VPS54: variants seen among roughly 807,000 people sequenced by gnomAD.
VPS54 encodes the protein vacuolar protein sorting-associated protein 54.
VPS54 carries 45 observed loss-of-function variants against 121.5 expected under a neutral mutation model. That is an observed-to-expected ratio of 0.37 (90% CI 0.29 to 0.47). The LOEUF is 0.47. Among genes scored for constraint, VPS54 ranks in the 20% least tolerant of loss-of-function variants. The pLI is 0.99. For synonymous variants in VPS54, 371 were observed against 385.8 expected (o/e 0.96, Z 0.45); for missense variants, 1,090 against 1,131.4 (o/e 0.96, Z 0.52).
chr2:63,910,489 A>G (rs1258988037), intron 20 of VPS54, among the ~76,000 whole-genome samples: 2 of 152,234 alleles, frequency 1.3e-5, no homozygotes, highest in Non-Finnish European at 2.9e-5. Flanking sequence ...GGGACAATTA[A>G]TAAGTTTCAA....
chr2:63,983,906 G>C lies in VPS54; in HGVS notation c.94C>G (p.Pro32Ala), dbSNP rs759981046. The C allele has an allele frequency of 2.5e-6, 4 of 1,613,492 alleles. No homozygotes were observed. In the South Asian group the frequency reaches 4.4e-5, roughly 18 times the overall value. Residue 32 changes from proline (P) to alanine (A), a missense_variant, in exon 2 of 23, where the codon CCT (proline) becomes GCT (alanine). Physicochemically the swap from Pro to Ala is conservative, Grantham distance 27. This residue lies in a region of VPS54 where 801 missense variants were observed against 757.0 expected (regional missense o/e 1.06). Transcript: ENST00000272322. Reference sequence around the variant, plus strand: ...CACACATCTGGCAGTGATGGCACAGGTCGAATGTGTTTTGACGGATCTACC... The same window carrying C: ...CACACATCTGGCAGTGATGGCACAGCTCGAATGTGTTTTGACGGATCTACC... ...IEVDPSKHIR[P>A]VPSLPDVCPK...
chr2:63,992,760 C>T (rs933834364), intron 1 of VPS54, among the ~76,000 whole-genome samples: 9 of 152,390 alleles, frequency 5.9e-5, no homozygotes, highest in African/African-American at 2.2e-4. Flanking sequence ...AGCCTTCCAA[C>T]TCGGCATGCC....
chr2:63,950,782 C>CT (rs560012100), intron 7 of VPS54, among the ~76,000 whole-genome samples: 94 of 151,452 alleles, frequency 6.2e-4, no homozygotes, highest in African/African-American at 2.1e-3. Flanking sequence ...TTCTTTGTGG[C>CT]TTTTTTTTTC....
chr2:63,955,895 AAAGT>A, intron 7 of VPS54, among the ~76,000 whole-genome samples: 1 of 152,264 alleles, frequency 6.6e-6, no homozygotes, highest in Admixed American at 6.5e-5. Flanking sequence ...CCTTGTTTTA[AAAGT>A]ATGTATCCTA....
At chr2:64,011,061 G>A (rs559482695) in intron 1 of VPS54, among the ~76,000 whole-genome samples, 18 of 152,114 alleles carry the variant, frequency 1.2e-4, no homozygotes, top group Non-Finnish European at 1.9e-4. Flanking sequence ...TTGACTAGGA[G>A]GATAAAAATT....
At chr2:63,985,856 A>G (rs140507795) in intron 1 of VPS54, among the ~76,000 whole-genome samples, 12 of 152,346 alleles carry the variant, frequency 7.9e-5, no homozygotes, top group African/African-American at 2.9e-4. Flanking sequence ...ATCCACACAC[A>G]TTAAGTGTAT....
At chr2:63,939,039 T>C (rs894593037) in intron 11 of VPS54, among the ~76,000 whole-genome samples, 2 of 152,336 alleles carry the variant, frequency 1.3e-5, no homozygotes, top group East Asian at 1.9e-4. Flanking sequence ...TTATTATTTA[T>C]CCATTCAAAA....
chr2:63,898,790 A>AC (rs1392475292), intron 21 of VPS54, among the ~76,000 whole-genome samples: 1 of 152,196 alleles, frequency 6.6e-6, no homozygotes, highest in Non-Finnish European at 1.5e-5. Context: ...GATTAAAAAA[A>AC]AAAACAAAAC....
At chr2:63,956,938 T>G (rs1317048475) in intron 7 of VPS54, among the ~76,000 whole-genome samples, 1 of 152,112 alleles carries the variant, frequency 6.6e-6, no homozygotes, top group Non-Finnish European at 1.5e-5. Flanking sequence ...ACTAAAGATT[T>G]TCTGTATCAA....
intron 6 of VPS54, 96 bp from the exon 7 acceptor site, chr2:63,962,539 A>G: frequency 7.3e-7 from 1 of 1,374,392 alleles, no homozygotes; most frequent in East Asian, 2.4e-5. Flanking sequence ...TTCTACATAT[A>G]CTTTAAATTC....
chr2:63,927,279 G>C (rs1032066190), intron 12 of VPS54, among the ~76,000 whole-genome samples: 3 of 152,148 alleles, frequency 2.0e-5, no homozygotes, highest in African/African-American at 7.2e-5. Flanking sequence ...ACCTCATACA[G>C]GTGGGTGCCC....
intron 1 of VPS54, among the ~76,000 whole-genome samples, chr2:64,003,392 CTCTT>C (rs1677975403): frequency 6.6e-6 from 1 of 152,102 alleles, no homozygotes; most frequent in South Asian, 2.1e-4. Flanking sequence ...ATATTATTCT[CTCTT>C]GAAGCTTTCT....
At chr2:63,900,185 A>C (rs1172765165) in intron 20 of VPS54, among the ~76,000 whole-genome samples, 9 of 133,518 alleles carry the variant, frequency 6.7e-5, no homozygotes, top group Admixed American at 5.4e-4. Flanking sequence ...GCACCACTGC[A>C]CTCCAGCCTG....
At chr2:63,971,013 T>A (rs1359686802) in intron 4 of VPS54, among the ~76,000 whole-genome samples, 1 of 152,154 alleles carries the variant, frequency 6.6e-6, no homozygotes, top group African/African-American at 2.4e-5. Flanking sequence ...TAAACTTGCC[T>A]CCATCTCCCT....
rs556974357 is a variant in VPS54, at chr2:63,978,773, C to T, written c.378+2873G>A. ...TAGCTGGGACTACAGGCGCGCACCA[C>T]CACACCCGGCTAATTTTTGTATTTT... On this transcript the variant is annotated intron_variant, in intron 3 of 22. Coordinates refer to ENST00000272322, the MANE Select transcript of VPS54 (RefSeq NM_016516.3). 7.2e-5 allele frequency among the ~76,000 whole-genome samples: 11 copies of T among 152,046 alleles called. 1 individual carries two copies. In the South Asian group the frequency reaches 2.3e-3, roughly 32 times the overall value.
rs373731505 is a variant in VPS54, at chr2:63,913,479, A to G, written c.2335-169T>C. Among the ~76,000 whole-genome samples the G allele has an allele frequency of 4.1e-3, 629 of 152,340 alleles. 1 individual carries two copies. Among genetic ancestry groups the G allele is most frequent in the Middle Eastern group, 0.02 (6 of 294 alleles). On this transcript the variant is annotated intron_variant, in intron 17 of 22. Coordinates refer to ENST00000272322, the MANE Select transcript of VPS54 (RefSeq NM_016516.3). ...TTTATTTAATGAAAAAGAAATGAGA[A>G]GGGGAGATTCTAAATGATAATATTT...
intron 22 of VPS54, among the ~76,000 whole-genome samples, 175 bp downstream of exon 22, chr2:63,897,321 T>C (rs1191789242): frequency 1.3e-5 from 2 of 151,636 alleles, no homozygotes; most frequent in Non-Finnish European, 2.9e-5. Context: ...CCCTTTTAGA[T>C]AGTTAGATAG....
At chr2:63,992,413 G>C (rs148584173) in intron 1 of VPS54, among the ~76,000 whole-genome samples, 1 of 152,158 alleles carries the variant, frequency 6.6e-6, no homozygotes, top group African/African-American at 2.4e-5. Context: ...CTCCGTCTCC[G>C]TCCAAAACAT....
rs868647052 is a variant in VPS54 at position 63,983,801 on chromosome 2, G to A, written c.136+63C>T. 12 of 1,516,544 alleles carry A rather than the reference G, an allele frequency of 7.9e-6. No homozygotes were observed. In the African/African-American group the frequency reaches 9.8e-5, roughly 12 times the overall value. The allele number at this position is 1,516,544 out of a possible 1,614,324, so 93.9% of individuals were successfully genotyped here. On this transcript the variant is annotated intron_variant, in intron 2 of 22. Transcript: ENST00000272322. ...CTTCTAACGTTGGTATATAAAACCT[G>A]ACTACTCATTTAAAGATAATAGAAA...
Sources: gnomAD v4.1 joint callset for allele counts (sites outside exome capture counted in the v4.1 genomes callset) on GRCh38, gnomAD v4.1.1 for gene constraint, gnomAD v4.1.1 regional missense constraint, MANE v1.5 for transcripts, NCBI Gene and HGNC (gene_info 2026-07-23, HGNC 2026-07-21) for gene names.